The following MICB variants were observed in gnomAD, a reference collection of about 807,000 sequenced individuals.
MICB encodes the protein MHC class I antigen-related protein B.
MICB carries 27 observed loss-of-function variants against 34.3 expected under a neutral mutation model. The ratio of observed to expected loss-of-function variants is 0.79; its 90% CI spans 0.58 to 1.08. The LOEUF is 1.08. Ranked by LOEUF, MICB falls within the 50% of genes least tolerant of loss-of-function variation. The pLI is 0.00. For missense variants in MICB, 426 were observed against 483.1 expected (o/e 0.88, Z 1.11); for synonymous variants, 153 against 187.4 (o/e 0.82, Z 1.50).
intron 1 of MICB, among the ~76,000 whole-genome samples, chr6:31,503,780 G>A (rs2534662): frequency 0.15 from 22,672 of 152,072 alleles, 1,888 homozygotes; most frequent in Admixed American, 0.24. Flanking sequence ...TTTCTTTTGA[G>A]TATTTCTTTT....
intron 5 of MICB, among the ~76,000 whole-genome samples, chr6:31,508,536 T>C (rs1332176193): frequency 6.6e-6 from 1 of 152,018 alleles, no homozygotes; most frequent in African/African-American, 2.4e-5. Context: ...GGAAGGTTCG[T>C]CCCCTGCCCT....
intron 3 of MICB, 83 bp from the exon 4 acceptor site, chr6:31,506,939 A>T: frequency 1.9e-6 from 3 of 1,549,830 alleles, no homozygotes; most frequent in Non-Finnish European, 1.7e-6. Flanking sequence ...CCAGAGTGAG[A>T]ACAGTGGAGA....
intron 5 of MICB, among the ~76,000 whole-genome samples, chr6:31,509,236 TG>T (rs1477202265): frequency 1.3e-5 from 2 of 152,144 alleles, no homozygotes; most frequent in Admixed American, 6.5e-5. Context: ...GCAGATCCTG[TG>T]GCAGCCACGT....
In MICB at chr6:31,507,657, T is replaced by C; in HGVS notation, c.1024+126T>C. On this transcript the variant is annotated intron_variant, in intron 5 of 5. Coordinates refer to ENST00000252229, the MANE Select transcript of MICB (RefSeq NM_005931.5). This position sits in a 1 kb window ranked among gnomAD's most constrained non-coding sequence, Gnocchi z 6.0. Reference sequence around the variant, plus strand: ...CTGGGACAGGGGATGGAAGCTGGGGTATTTGGGAGGGGAATGGGAGCTGCA... The same window carrying C: ...CTGGGACAGGGGATGGAAGCTGGGGCATTTGGGAGGGGAATGGGAGCTGCA... 4 of 1,195,730 alleles carry C rather than the reference T, an allele frequency of 3.3e-6. No homozygotes were observed. The highest frequency in any genetic ancestry group is 4.8e-6 in the Non-Finnish European group (4 of 838,972). 74.1% of individuals were successfully genotyped at this position (1,195,730 alleles called of 1,614,324 possible).
intron 5 of MICB, among the ~76,000 whole-genome samples, chr6:31,508,521 A>C (rs560384278): frequency 7.9e-5 from 12 of 152,294 alleles, no homozygotes; most frequent in African/African-American, 2.4e-4. Context: ...ATGCCTGAGC[A>C]GATGGGAAGG....
At chr6:31,497,326 T>C (rs2534674), upstream of MICB, among the ~76,000 whole-genome samples, 99,207 of 151,674 alleles carry the variant, frequency 0.65, 32,579 homozygotes, top group Middle Eastern at 0.73. Flanking sequence ...AGATCTGTCA[T>C]ATTGAAGGGG....
Position 31,507,373 on chromosome 6 carries a change from A to G in MICB, c.893-27A>G. 1 of 1,613,920 alleles carries G rather than the reference A, an allele frequency of 6.2e-7. No individual in the cohort carries two copies. The highest frequency in any genetic ancestry group is 8.5e-7 in the Non-Finnish European group (1 of 1,179,964). Reference sequence around the variant, plus strand: ...CAAGGACGGCTGTGGCTCTCTGCCCAGTGTATAACAAGTCCCTTTTTTTCA... The same window carrying G: ...CAAGGACGGCTGTGGCTCTCTGCCCGGTGTATAACAAGTCCCTTTTTTTCA... On this transcript the variant is annotated intron_variant, in intron 4 of 5. Coordinates refer to ENST00000252229, the MANE Select transcript of MICB (RefSeq NM_005931.5). This position sits in a 1 kb window ranked among gnomAD's most constrained non-coding sequence, Gnocchi z 6.0.
Position 31,509,845 on chromosome 6 carries a change from C to T in MICB, c.1088C>T (p.Ala363Val), listed in dbSNP as rs1765568750. Reference sequence around the variant, plus strand: ...GGGACAGGAGACCACAGGGATGCAGCACAGCTGGGATTTCAGCCTCTGATG... The same window carrying T: ...GGGACAGGAGACCACAGGGATGCAGTACAGCTGGGATTTCAGCCTCTGATG... ...PVGTGDHRDAAQLGFQPLMSA... is the reference protein window; with the variant it reads ...PVGTGDHRDAVQLGFQPLMSA... The change falls in exon 6 of 6, where the codon GCA (alanine) becomes GTA (valine). Residue 363 changes from alanine (A) to valine (V), a missense_variant. Transcript: ENST00000252229. 6.2e-7 allele frequency: 1 copy of T among 1,613,356 alleles called. No homozygotes were observed. The highest frequency in any genetic ancestry group is 8.5e-7 in the Non-Finnish European group (1 of 1,179,698).
At chr6:31,500,614 C>T (rs1764966843) in intron 1 of MICB, among the ~76,000 whole-genome samples, 1 of 152,154 alleles carries the variant, frequency 6.6e-6, no homozygotes. Flanking sequence ...CCTTCTCAGC[C>T]TCTGGTAGTC....
At chr6:31,498,136 A>C, upstream of MICB, 16 of 1,427,694 alleles carry the variant, frequency 1.1e-5, no homozygotes, top group Non-Finnish European at 1.3e-5. Flanking sequence ...GGGTCTTCTC[A>C]CGGGTTTCAT....
intron 1 of MICB, among the ~76,000 whole-genome samples, chr6:31,503,042 T>C (rs549168575): frequency 6.6e-6 from 1 of 152,360 alleles, no homozygotes; most frequent in East Asian, 1.9e-4. Flanking sequence ...ATGTATTACA[T>C]TGATTGATTT....
At chr6:31,506,558 CT>C in intron 3 of MICB, 128 bp downstream of exon 3, 1 of 1,007,788 alleles carries the variant, frequency 9.9e-7, no homozygotes, top group Non-Finnish European at 1.4e-6. Flanking sequence ...ATATTGTGTC[CT>C]GATTTGCCTC....
chr6:31,510,071 G>A lies in MICB; in HGVS notation c.*162G>A, dbSNP rs1305148863. On this transcript the variant is annotated 3_prime_UTR_variant, in exon 6 of 6. Transcript: ENST00000252229. ...TATGAGGTGTTTGCTGCTCTGCCACGTAGAGAGCCAGCAAAGGGATCATGA... is the reference window on the plus strand; with the variant it reads ...TATGAGGTGTTTGCTGCTCTGCCACATAGAGAGCCAGCAAAGGGATCATGA... The A allele has an allele frequency of 3.5e-5, 24 of 688,928 alleles. No individual in the cohort carries two copies. Among genetic ancestry groups the A allele is most frequent in the South Asian group, 3.2e-4 (8 of 24,984 alleles). 42.7% of individuals were successfully genotyped at this position (688,928 alleles called of 1,614,324 possible).
chr6:31,510,870 TTATTA>T lies in MICB; in HGVS notation c.*967_*971del, dbSNP rs779737471. The T allele has an allele frequency of 6.6e-5, 10 of 152,238 alleles. No individual in the cohort carries two copies. The East Asian group carries it at 1.7e-3, about 26-fold the overall frequency. 9.4% of individuals were successfully genotyped at this position (152,238 alleles called of 1,614,324 possible). A position where few individuals can be genotyped will look rare whatever the true frequency, so the allele number is the denominator to read the frequency against. On this transcript the variant is annotated 3_prime_UTR_variant, in exon 6 of 6. Transcript: ENST00000252229. ...CTATTTTATTATATTGTAATATATT[TTATTA>T]TATTAGCCACCATGCCTGTCCTATT...
chr6:31,506,040 C>A (rs1465553687), intron 2 of MICB, 103 bp from the exon 3 acceptor site: 1 of 1,491,306 alleles, frequency 6.7e-7, no homozygotes, highest in Admixed American at 2.3e-5. Context: ...CACAGGGAGG[C>A]ATGGAGGAGG....
At chr6:31,495,056 T>A (rs1321526190), upstream of MICB, 1 of 31,534 alleles carries the variant, frequency 3.2e-5, no homozygotes, top group Admixed American at 4.0e-4. Context: ...GGAGGTGGGG[T>A]GGAGGGGGAG....
chr6:31,496,398 G>A (rs1228697246), upstream of MICB, among the ~76,000 whole-genome samples: 2 of 113,992 alleles, frequency 1.8e-5, no homozygotes, highest in Non-Finnish European at 3.4e-5. Context: ...GCGGAGCCTT[G>A]CTCTGTTGCC....
intron 1 of MICB, among the ~76,000 whole-genome samples, chr6:31,502,967 T>C (rs1181650223): frequency 1.3e-5 from 2 of 152,262 alleles, no homozygotes; most frequent in Non-Finnish European, 2.9e-5. Context: ...GTTAAACTTA[T>C]CAAATGCTTT....
upstream of MICB, among the ~76,000 whole-genome samples, chr6:31,497,383 G>C (rs1272143436): frequency 1.3e-5 from 2 of 152,102 alleles, no homozygotes; most frequent in African/African-American, 4.8e-5. Flanking sequence ...CTGGAAAAGG[G>C]AGTCTGGAGA....
Sources: gnomAD v4.1 joint callset for allele counts (sites outside exome capture counted in the v4.1 genomes callset) on GRCh38, gnomAD v4.1.1 for gene constraint, Gnocchi (gnomAD v3.1) non-coding constraint, MANE v1.5 for transcripts, NCBI Gene and HGNC (gene_info 2026-07-23, HGNC 2026-07-21) for gene names.